The following NRXN2 variants were observed in gnomAD, a reference collection of about 807,000 sequenced individuals.
NRXN2 encodes neurexin 2.
NRXN2 carries 29 observed loss-of-function variants against 128.8 expected under a neutral mutation model. The ratio of observed to expected loss-of-function variants is 0.23; its 90% CI spans 0.17 to 0.31. The LOEUF (loss-of-function observed/expected upper bound fraction) is 0.31, where lower values mean the gene tolerates loss of function less well. NRXN2 is among the 10% of genes least tolerant of loss of function. The pLI, the probability that NRXN2 is intolerant of heterozygous loss-of-function variation, is 1.00. For synonymous variants in NRXN2, 1,098 were observed against 1,075.2 expected, an observed-to-expected ratio of 1.02 and a Z score of -0.41; for missense variants, 1,881 against 2,452.6, an observed-to-expected ratio of 0.77 and a Z score of 4.92.
chr11:64,651,733 T>G lies in NRXN2; in HGVS notation c.2537-97A>C. The stretch of plus-strand genomic sequence containing the variant: ...CTCCCCTCCACAGGAGGGCCACCCA[T>G]GAGTGACATCTTTAGAGATGTCCTC... On this transcript the variant is annotated intron_variant, in intron 13 of 22. Transcript: ENST00000265459. This position sits in a 1 kb window ranked among gnomAD's most constrained non-coding sequence, Gnocchi z 5.9. 7.3e-7 allele frequency: 1 copy of G among 1,365,024 alleles called. No individual in the cohort carries two copies. The highest frequency in any genetic ancestry group is 1.0e-6 in the Non-Finnish European group (1 of 974,886). The allele number at this position is 1,365,024 out of a possible 1,614,324, so 84.6% of individuals were successfully genotyped here.
At chr11:64,685,109 T>C (rs909710938) in intron 6 of NRXN2, among the ~76,000 whole-genome samples, 2 of 152,058 alleles carry the variant, frequency 1.3e-5, no homozygotes, top group Non-Finnish European at 2.9e-5. Context: ...GCCTCTGCCC[T>C]AAAAAAGCCT....
Position 64,650,479 on chromosome 11 carries a change from G to A in NRXN2, c.3078C>T (p.His1026=). The change falls in exon 15 of 23, where the codon CAC becomes CAT. Residue 1026 remains histidine (H), a synonymous_variant. Coordinates refer to ENST00000265459, the MANE Select transcript of NRXN2 (RefSeq NM_015080.4). ...GATCGAGGTTTCGGGCGCCATTGGA[G>A]TGCTGCGTGACAGTGCGGGAGTCAA... ...LKIDSRTVTQ[H]SNGARNLDLK... is the part of the protein sequence containing the mutation. The A allele has an allele frequency of 2.5e-6, 4 of 1,614,242 alleles. No individual in the cohort carries two copies. Among genetic ancestry groups the A allele is most frequent in the Non-Finnish European group, 3.4e-6 (4 of 1,180,040 alleles).
Position 64,622,213 on chromosome 11 carries a change from C to G in NRXN2, c.4173+540G>C, listed in dbSNP as rs1289543223. ...ACTTGCAGCCAGGGCTTTCCCACTG[C>G]AGGGACCCCAGCAAACAAGGAGAGG... On this transcript the variant is annotated intron_variant, in intron 21 of 22. Transcript: ENST00000265459. The surrounding 1 kb of genome is among the most constrained non-coding windows in gnomAD (Gnocchi z 4.3). Among the ~76,000 whole-genome samples the G allele has an allele frequency of 3.3e-5, 5 of 152,192 alleles. No individual in the cohort carries two copies. The highest frequency in any genetic ancestry group is 2.1e-4 in the South Asian group (1 of 4,830).
intron 20 of NRXN2, among the ~76,000 whole-genome samples, chr11:64,624,171 C>T (rs1477355737): frequency 6.6e-6 from 1 of 152,136 alleles, no homozygotes; most frequent in Non-Finnish European, 1.5e-5. Flanking sequence ...TGGTTAGTGC[C>T]TCGTTAAAGA....
intron 2 of NRXN2, among the ~76,000 whole-genome samples, chr11:64,702,007 G>T (rs1226445127): frequency 6.7e-6 from 1 of 149,230 alleles, no homozygotes; most frequent in Non-Finnish European, 1.5e-5. Context: ...GAGGTGGGGG[G>T]GGTCAGCCCC....
At position 64,714,121 on chromosome 11, in the gene NRXN2, C is replaced by T. The variant is rs2135679096; in HGVS notation, c.-244-178G>A. On this transcript the variant is annotated intron_variant, in intron 1 of 22. Coordinates refer to ENST00000265459, the MANE Select transcript of NRXN2 (RefSeq NM_015080.4). This position sits in a 1 kb window ranked among gnomAD's most constrained non-coding sequence, Gnocchi z 4.5. ...AGGCAAGAGACGCGGATTCCGGGGG[C>T]CAGCACTTAGGAGAGATGGCACGCA... Among the ~76,000 whole-genome samples the T allele has an allele frequency of 6.6e-6, 1 of 152,252 alleles. No individual in the cohort carries two copies. Among genetic ancestry groups the T allele is most frequent in the East Asian group, 1.9e-4 (1 of 5,174 alleles).
chr11:64,685,469 C>A (rs1483874496), intron 6 of NRXN2, among the ~76,000 whole-genome samples, 177 bp downstream of exon 6: 1 of 152,160 alleles, frequency 6.6e-6, no homozygotes, highest in Non-Finnish European at 1.5e-5. Flanking sequence ...CTGAAGCCTG[C>A]CAGCCACTGC....
At chr11:64,694,813 G>A (rs1468357393) in intron 3 of NRXN2, among the ~76,000 whole-genome samples, 1 of 152,096 alleles carries the variant, frequency 6.6e-6, no homozygotes, top group Admixed American at 6.5e-5. Flanking sequence ...AAGCAGCCTT[G>A]CTCTCAGGAT....
chr11:64,648,094 G>A lies in NRXN2; in HGVS notation c.3403+125C>T, dbSNP rs781339697. On this transcript the variant is annotated intron_variant, in intron 17 of 22. Transcript: ENST00000265459. This position sits in a 1 kb window ranked among gnomAD's most constrained non-coding sequence, Gnocchi z 4.1. ...CTCCCCTGGGACTCTGCAGACAAGGGATGAGAAGGAAGAAGCAGCACAGCT... is the reference window on the plus strand; with the variant it reads ...CTCCCCTGGGACTCTGCAGACAAGGAATGAGAAGGAAGAAGCAGCACAGCT... 3 of 1,364,606 alleles carry A rather than the reference G, an allele frequency of 2.2e-6. No homozygotes were observed. The highest frequency in any genetic ancestry group is 3.1e-6 in the Non-Finnish European group (3 of 969,944). 84.5% of individuals were successfully genotyped at this position (1,364,606 alleles called of 1,614,324 possible).
intron 2 of NRXN2, among the ~76,000 whole-genome samples, chr11:64,700,688 T>A (rs1419773988): frequency 2.0e-5 from 3 of 152,100 alleles, no homozygotes; most frequent in Admixed American, 2.0e-4. Context: ...TCCCTACCCA[T>A]CCCCAGCCTG....
Position 64,667,911 on chromosome 11 carries a change from A to G in NRXN2, c.1360-223T>C, listed in dbSNP as rs572228980. 1.0e-3 allele frequency among the ~76,000 whole-genome samples: 154 copies of G among 151,758 alleles called. 2 individuals carry two copies. In the South Asian group the frequency reaches 0.03, roughly 29 times the overall value. ...CCTCTGTCCTGTCTTCTGGCCCAGC[A>G]GGAGCATGGTGGCTTGCCTGTGGGT... On this transcript the variant is annotated intron_variant, in intron 8 of 22. Transcript: ENST00000265459. This position sits in a 1 kb window ranked among gnomAD's most constrained non-coding sequence, Gnocchi z 5.6.
chr11:64,650,722 G>C, intron 14 of NRXN2, 84 bp from the exon 15 acceptor site: 3 of 1,340,828 alleles, frequency 2.2e-6, no homozygotes, highest in Non-Finnish European at 3.2e-6. Flanking sequence ...TGGCTGGCAG[G>C]GGTCCTAGGT....
Position 64,677,053 on chromosome 11 carries a change from G to A in NRXN2, c.1153-16C>T, listed in dbSNP as rs1592041403. 6.6e-7 allele frequency: 1 copy of A among 1,512,138 alleles called. No individual in the cohort carries two copies. The highest frequency in any genetic ancestry group is 2.7e-5 in the East Asian group (1 of 36,826). 93.7% of individuals were successfully genotyped at this position (1,512,138 alleles called of 1,614,324 possible). A position where few individuals can be genotyped will look rare whatever the true frequency, so the allele number is the denominator to read the frequency against. The stretch of plus-strand genomic sequence containing the variant: ...TCCCTGCGTGCTTCACCGGAGATAT[G>A]GGGGGATGGGGAGGAGGGGGGTGTC... On this transcript the variant is annotated splice_polypyrimidine_tract_variant and intron_variant, in intron 6 of 22. Transcript: ENST00000265459.
intron 2 of NRXN2, among the ~76,000 whole-genome samples, chr11:64,710,586 A>G (rs2056795045): frequency 1.3e-5 from 2 of 152,198 alleles, no homozygotes; most frequent in African/African-American, 2.4e-5. Context: ...AACCTCCCGT[A>G]GCTCGAGCTT....
At chr11:64,686,243 G>A (rs990302996) in intron 5 of NRXN2, among the ~76,000 whole-genome samples, 3 of 152,146 alleles carry the variant, frequency 2.0e-5, no homozygotes, top group Non-Finnish European at 4.4e-5. Flanking sequence ...CAGCAGAGCG[G>A]AGGGTGCTCA....
rs753721746 is a variant in NRXN2, at chr11:64,622,162, A to G, written c.4173+591T>C. On this transcript the variant is annotated intron_variant, in intron 21 of 22. Coordinates refer to ENST00000265459, the MANE Select transcript of NRXN2 (RefSeq NM_015080.4). The surrounding 1 kb of genome is among the most constrained non-coding windows in gnomAD (Gnocchi z 4.3). ...AGTTGTGGTGCCTGCTCATAGTCAC[A>G]TGGAGAGGGCTTGTGAAGGCAATGG... Among the ~76,000 whole-genome samples, 1 of 152,190 alleles carries G rather than the reference A, an allele frequency of 6.6e-6. No individual in the cohort carries two copies. The highest frequency in any genetic ancestry group is 1.5e-5 in the Non-Finnish European group (1 of 68,032).
Position 64,685,711 on chromosome 11 carries a change from G to A in NRXN2, c.1087C>T (p.Pro363Ser), listed in dbSNP as rs778165988. The change falls in exon 6 of 23, where the codon CCC becomes TCC. Residue 363 changes from proline (P) to serine (S), a missense_variant. Coordinates refer to ENST00000265459, the MANE Select transcript of NRXN2 (RefSeq NM_015080.4). ...GSGAFEALVEPVNGKFNDNAW... is the reference protein window; with the variant it reads ...GSGAFEALVESVNGKFNDNAW... ...TTGTCGTTGAACTTGCCATTGACGG[G>A]TTCCACAAGGGCCTCGAAGGCACCT... The A allele has an allele frequency of 1.7e-5, 27 of 1,614,110 alleles. No homozygotes were observed. The South Asian group carries it at 2.9e-4, about 17-fold the overall frequency.
Position 64,652,079 on chromosome 11 carries a change from C to T in NRXN2, c.2492G>A (p.Arg831His), listed in dbSNP as rs760954823. The T allele has an allele frequency of 1.3e-5, 21 of 1,613,274 alleles. No individual in the cohort carries two copies. The highest frequency in any genetic ancestry group is 4.5e-5 in the East Asian group (2 of 44,894). ...NEWHTVRVVRRGKSLQLSVDN... is the reference protein window; with the variant it reads ...NEWHTVRVVRHGKSLQLSVDN... Reference sequence around the variant, plus strand: ...CACAGACAGCTGCAGGCTCTTGCCACGCCGGACCACCCTCACCGTGTGCCA... The same window carrying T: ...CACAGACAGCTGCAGGCTCTTGCCATGCCGGACCACCCTCACCGTGTGCCA... Residue 831 changes from arginine (R) to histidine (H), a missense_variant, in exon 13 of 23, where the codon CGT (arginine) becomes CAT (histidine). Around this residue, in one of 7 missense-constraint regions of NRXN2, gnomAD observed 997 missense variants for 1,240.8 expected, o/e 0.80. Coordinates refer to ENST00000265459, the MANE Select transcript of NRXN2 (RefSeq NM_015080.4).
Position 64,635,227 on chromosome 11 carries a change from A to G in NRXN2, c.3585+44T>C. On this transcript the variant is annotated intron_variant, in intron 18 of 22. Coordinates refer to ENST00000265459, the MANE Select transcript of NRXN2 (RefSeq NM_015080.4). This position sits in a 1 kb window ranked among gnomAD's most constrained non-coding sequence, Gnocchi z 4.8. ...CAATGAGGGGCTGAACTGATTTGGGAGCAGGAAGCTTGAGGTTGAAGGGTT... is the reference window on the plus strand; with the variant it reads ...CAATGAGGGGCTGAACTGATTTGGGGGCAGGAAGCTTGAGGTTGAAGGGTT... The G allele has an allele frequency of 6.2e-7, 1 of 1,607,148 alleles. No homozygotes were observed. The highest frequency in any genetic ancestry group is 2.2e-5 in the East Asian group (1 of 44,858).
Sources: gnomAD v4.1 joint callset for allele counts (sites outside exome capture counted in the v4.1 genomes callset) on GRCh38, gnomAD v4.1.1 for gene constraint, gnomAD v4.1.1 regional missense constraint, Gnocchi (gnomAD v3.1) non-coding constraint, MANE v1.5 for transcripts, NCBI Gene and HGNC (gene_info 2026-07-23, HGNC 2026-07-21) for gene names.